The following OSTM1 variants were observed in gnomAD, a reference collection of about 807,000 sequenced individuals.
OSTM1 encodes the protein osteoclastogenesis associated transmembrane protein 1.
OSTM1 carries 26 observed loss-of-function variants against 35.4 expected under a neutral mutation model. The observed-to-expected ratio is 0.73, with a 90% confidence interval of 0.54 to 1.02. The LOEUF (loss-of-function observed/expected upper bound fraction) is 1.02. Among genes scored for constraint, OSTM1 ranks in the 50% least tolerant of loss-of-function variants. The pLI is 0.00. For missense variants in OSTM1, 366 were observed against 409.6 expected, an observed-to-expected ratio of 0.89 and a Z score of 0.92; for synonymous variants, 181 against 165.0, an observed-to-expected ratio of 1.10 and a Z score of -0.75.
At chr6:108,061,695 TTTTTCTTTTC>T (rs200161770) in intron 2 of OSTM1, among the ~76,000 whole-genome samples, 2 of 151,418 alleles carry the variant, frequency 1.3e-5, no homozygotes, top group African/African-American at 4.8e-5. Flanking sequence ...CCAGCTAATT[TTTTTCTTTTC>T]TTTTCTTTTC....
At chr6:108,064,950 T>C (rs1230996165) in intron 1 of OSTM1, among the ~76,000 whole-genome samples, 1 of 152,188 alleles carries the variant, frequency 6.6e-6, no homozygotes, top group African/African-American at 2.4e-5. Context: ...CTTTAAAATA[T>C]AAAATCCAAG....
Position 108,044,530 on chromosome 6 carries a change from C to A in OSTM1, c.*255G>T. 3.2e-6 allele frequency: 1 copy of A among 314,928 alleles called. No individual in the cohort carries two copies. The highest frequency in any genetic ancestry group is 5.8e-6 in the Non-Finnish European group (1 of 172,564). The allele number at this position is 314,928 out of a possible 1,614,324, so 19.5% of individuals were successfully genotyped here. On this transcript the variant is annotated 3_prime_UTR_variant, in exon 6 of 6. Transcript: ENST00000193322. ...TAAAATAAAATAATGATTGTTCTTG[C>A]ATGTTCTGTTATTGTGACAAATACA... is the stretch of plus-strand genomic sequence containing the variant.
chr6:108,069,370 C>G (rs1772442280), intron 1 of OSTM1, among the ~76,000 whole-genome samples: 1 of 152,114 alleles, frequency 6.6e-6, no homozygotes, highest in Non-Finnish European at 1.5e-5. Flanking sequence ...GGCTTTCTCC[C>G]TATAGTCCTC....
In OSTM1 at chr6:108,074,632, G is replaced by C. The variant is rs915486434; in HGVS notation, c.20C>G (p.Ala7Gly). The C allele has an allele frequency of 6.4e-7, 1 of 1,556,472 alleles. No individual in the cohort carries two copies. Among genetic ancestry groups the C allele is most frequent in the African/African-American group, 1.4e-5 (1 of 73,762 alleles). MEPGPT[A>G]AQRRCSLPPW... ...CGGCAACGAACACCTCCGCTGCGCG[G>C]CTGTCGGGCCCGGCTCCATCACCGG... The change falls in exon 1 of 6, where the codon GCC becomes GGC. Residue 7 changes from alanine to glycine, a missense_variant. Around this residue, in one of 3 missense-constraint regions of OSTM1, gnomAD observed 236 missense variants for 239.3 expected, o/e 0.99. Transcript: ENST00000193322.
rs543079256 is a variant in OSTM1 at position 108,050,330 on chromosome 6, T to C, written c.783+701A>G. On this transcript the variant is annotated intron_variant, in intron 4 of 5. Coordinates refer to ENST00000193322, the MANE Select transcript of OSTM1 (RefSeq NM_014028.4). Reference sequence around the variant, plus strand: ...TAGGAAGTGATTGAGGAATGGCTTCTGAAACATGTAGTGAAATCCAGAAAC... The same window carrying C: ...TAGGAAGTGATTGAGGAATGGCTTCCGAAACATGTAGTGAAATCCAGAAAC... Among the ~76,000 whole-genome samples, 18 of 148,554 alleles carry C rather than the reference T, an allele frequency of 1.2e-4. No homozygotes were observed. The East Asian group carries it at 3.6e-3, about 30-fold the overall frequency.
intron 3 of OSTM1, among the ~76,000 whole-genome samples, chr6:108,053,490 T>C (rs1772117548): frequency 6.6e-6 from 1 of 152,226 alleles, no homozygotes; most frequent in African/African-American, 2.4e-5. Flanking sequence ...GAACAAATTC[T>C]GAGAAATGTT....
chr6:108,056,819 C>A (rs1250758133), intron 2 of OSTM1, among the ~76,000 whole-genome samples: 2 of 152,198 alleles, frequency 1.3e-5, no homozygotes, highest in Non-Finnish European at 2.9e-5. Context: ...TTCTCCAGAA[C>A]ATGAATCTCA....
At chr6:108,063,020 T>G (rs1354699526) in intron 2 of OSTM1, among the ~76,000 whole-genome samples, 1 of 150,320 alleles carries the variant, frequency 6.7e-6, no homozygotes, top group Non-Finnish European at 1.5e-5. Flanking sequence ...TTTCTACTTT[T>G]TTTTTTTTTT....
chr6:108,064,374 T>G, intron 1 of OSTM1, 75 bp from the exon 2 acceptor site: 1 of 797,332 alleles, frequency 1.3e-6, no homozygotes, highest in South Asian at 1.4e-5. Context: ...GCAAAAACCT[T>G]ACAAAAATAA....
chr6:108,046,521 A>AT (rs71752485), intron 5 of OSTM1, among the ~76,000 whole-genome samples: 59,042 of 145,576 alleles, frequency 0.41, 13,408 homozygotes, highest in East Asian at 0.59. Context: ...TTTTTTTTGT[A>AT]TTTTTAGTAG....
At position 108,044,790 on chromosome 6, in the gene OSTM1, T is replaced by C; in HGVS notation, c.1000A>G (p.Asn334Asp). ...AATTCTCCATTTTGTAGGTCTCAGTTTGAATTTTCCTGAATATTTGCAAAA... is the reference window on the plus strand; with the variant it reads ...AATTCTCCATTTTGTAGGTCTCAGTCTGAATTTTCCTGAATATTTGCAAAA... ...TSFANIQENSN is the reference protein window; with the variant it reads ...TSFANIQENSD Residue 334 changes from asparagine (N) to aspartate (D), a missense_variant, in exon 6 of 6, where the codon AAC becomes GAC. Transcript: ENST00000193322. 6.4e-7 allele frequency: 1 copy of C among 1,568,464 alleles called. No homozygotes were observed. The highest frequency in any genetic ancestry group is 8.8e-7 in the Non-Finnish European group (1 of 1,142,506).
rs1772039357 is a variant in OSTM1 at position 108,049,437 on chromosome 6, A to G, written c.784-19T>C. On this transcript the variant is annotated intron_variant, in intron 4 of 5. Transcript: ENST00000193322. Reference sequence around the variant, plus strand: ...TGTTCATCTGGAACAAGAGCAAACAATATCTTTCTATTTTATATTTAACTT... The same window carrying G: ...TGTTCATCTGGAACAAGAGCAAACAGTATCTTTCTATTTTATATTTAACTT... The G allele has an allele frequency of 1.9e-6, 3 of 1,610,950 alleles. No individual in the cohort carries two copies. The highest frequency in any genetic ancestry group is 2.5e-6 in the Non-Finnish European group (3 of 1,177,478).
At chr6:108,045,642 A>T (rs1456875253) in intron 5 of OSTM1, among the ~76,000 whole-genome samples, 1 of 152,216 alleles carries the variant, frequency 6.6e-6, no homozygotes, top group African/African-American at 2.4e-5. Flanking sequence ...ACAAACACAT[A>T]TGGCTGCTAA....
chr6:108,066,635 A>T (rs1255243500), intron 1 of OSTM1, among the ~76,000 whole-genome samples: 1 of 152,174 alleles, frequency 6.6e-6, no homozygotes, highest in African/African-American at 2.4e-5. Flanking sequence ...TTGAGTGTGA[A>T]AGTGAGATCA....
intron 1 of OSTM1, among the ~76,000 whole-genome samples, chr6:108,070,190 AC>A (rs1162785221): frequency 2.0e-5 from 3 of 152,076 alleles, no homozygotes; most frequent in Admixed American, 6.5e-5. Flanking sequence ...GGCACATGCC[AC>A]TACTCCTGGC....
chr6:108,043,254 T>C lies in OSTM1; in HGVS notation c.*1531A>G, dbSNP rs1771902755. On this transcript the variant is annotated 3_prime_UTR_variant, in exon 6 of 6. Coordinates refer to ENST00000193322, the MANE Select transcript of OSTM1 (RefSeq NM_014028.4). ...AATCATATGCTTCAAATCAAGACAG[T>C]GCTAAGTTCCAGCAGCATAAACAGT... 2 of 152,306 alleles carry C rather than the reference T, an allele frequency of 1.3e-5. No individual in the cohort carries two copies. Among genetic ancestry groups the C allele is most frequent in the East Asian group, 1.9e-4 (1 of 5,182 alleles). 9.4% of individuals were successfully genotyped at this position (152,306 alleles called of 1,614,324 possible). A position where few individuals can be genotyped will look rare whatever the true frequency, so the allele number is the denominator to read the frequency against.
rs1771877759 is a variant in OSTM1, at chr6:108,042,165, C to T, written c.*2620G>A. On this transcript the variant is annotated 3_prime_UTR_variant, in exon 6 of 6. Coordinates refer to ENST00000193322, the MANE Select transcript of OSTM1 (RefSeq NM_014028.4). ...ATCTGATGTTCAGCCAGGTGTGGTG[C>T]TTATGCTTGTAATCCCAGCACTTTG... The T allele has an allele frequency of 1.4e-5, 2 of 148,122 alleles. No homozygotes were observed. The highest frequency in any genetic ancestry group is 3.0e-5 in the Non-Finnish European group (2 of 67,614). 9.2% of individuals were successfully genotyped at this position (148,122 alleles called of 1,614,324 possible). A position where few individuals can be genotyped will look rare whatever the true frequency, so the allele number is the denominator to read the frequency against.
chr6:108,051,031 T>C lies in OSTM1; in HGVS notation c.783A>G (p.Ala261=). The C allele has an allele frequency of 1.2e-6, 2 of 1,610,248 alleles. No individual in the cohort carries two copies. The highest frequency in any genetic ancestry group is 1.7e-6 in the Non-Finnish European group (2 of 1,176,696). ...GTHLCIDVED[A]MNITRKLWSR... is the part of the protein sequence containing the mutation. ...ATCACATCAGAAGCAAAGTACTTAC[T>C]GCATCTTCCACATCAATGCATAAAT... is the stretch of plus-strand genomic sequence containing the variant. Residue 261 remains alanine (A), a splice_region_variant and synonymous_variant, in exon 4 of 6, where the codon GCA becomes GCG. Transcript: ENST00000193322.
intron 1 of OSTM1, among the ~76,000 whole-genome samples, chr6:108,071,915 T>G (rs957351812): frequency 1.3e-5 from 2 of 152,148 alleles, no homozygotes; most frequent in African/African-American, 4.8e-5. Flanking sequence ...TTTCTACAAC[T>G]CCCCCACTGG....
Sources: gnomAD v4.1 joint callset for allele counts (sites outside exome capture counted in the v4.1 genomes callset) on GRCh38, gnomAD v4.1.1 for gene constraint, gnomAD v4.1.1 regional missense constraint, MANE v1.5 for transcripts, NCBI Gene and HGNC (gene_info 2026-07-23, HGNC 2026-07-21) for gene names.